The following KIFBP variants were observed in gnomAD, a reference collection of about 807,000 sequenced individuals.
The protein encoded by KIFBP is KIF-binding protein.
KIFBP carries 46 observed loss-of-function variants against 58.9 expected under a neutral mutation model. The observed-to-expected ratio is 0.78, with a 90% confidence interval of 0.62 to 1.00. The LOEUF (loss-of-function observed/expected upper bound fraction) is 1.00, where lower values mean the gene tolerates loss of function less well. Ranked by LOEUF, KIFBP falls within the 50% of genes least tolerant of loss-of-function variation. KIFBP has a pLI of 0.00. For synonymous variants in KIFBP, 241 were observed against 283.4 expected, an observed-to-expected ratio of 0.85 and a Z score of 1.50; for missense variants, 651 against 752.9, an observed-to-expected ratio of 0.86 and a Z score of 1.58.
chr10:68,989,324 C>A, intron 1 of KIFBP, 66 bp downstream of exon 1: 2 of 1,547,094 alleles, frequency 1.3e-6, no homozygotes, highest in Non-Finnish European at 1.8e-6. Context: ...GGAGCCCCTG[C>A]CAAGGCCAAG....
chr10:69,014,595 T>C (rs952560770), intron 6 of KIFBP, among the ~76,000 whole-genome samples: 3 of 152,272 alleles, frequency 2.0e-5, no homozygotes, highest in East Asian at 1.9e-4. Flanking sequence ...GGAAAGATCA[T>C]TGGTGAGACA....
At position 69,005,095 on chromosome 10, in the gene KIFBP, A is replaced by G. The variant is rs926983945; in HGVS notation, c.575A>G (p.Glu192Gly). ...DPTERFLPEEEKLTEQERSKR... is the reference protein window; with the variant it reads ...DPTERFLPEEGKLTEQERSKR... ...ACTGAGCGTTTTCTTCCTGAAGAAG[A>G]GAAACTTACTGAACAAGAGAGATCA... The change falls in exon 3 of 7, where the codon GAG becomes GGG. Residue 192 changes from glutamate (E) to glycine (G), a missense_variant. Physicochemically the swap from Glu to Gly is moderately conservative, Grantham distance 98. Coordinates refer to ENST00000361983, the MANE Select transcript of KIFBP (RefSeq NM_015634.4). The G allele has an allele frequency of 1.2e-6, 2 of 1,613,318 alleles. No homozygotes were observed. The highest frequency in any genetic ancestry group is 1.7e-6 in the Non-Finnish European group (2 of 1,179,420).
At chr10:69,005,625 A>T in intron 3 of KIFBP, 107 bp from the exon 4 acceptor site, 1 of 831,676 alleles carries the variant, frequency 1.2e-6, no homozygotes, top group Non-Finnish European at 2.0e-6. Flanking sequence ...GTGAGCCAAG[A>T]TCGTGCCACT....
intron 2 of KIFBP, among the ~76,000 whole-genome samples, chr10:69,002,260 A>G (rs1843475096): frequency 1.3e-5 from 2 of 151,852 alleles, no homozygotes; most frequent in African/African-American, 4.8e-5. Context: ...CTTGAGTTCA[A>G]GTAATTCTCC....
At chr10:68,996,082 C>T (rs567406514) in intron 1 of KIFBP, among the ~76,000 whole-genome samples, 2 of 151,778 alleles carry the variant, frequency 1.3e-5, no homozygotes, top group South Asian at 2.1e-4. Flanking sequence ...CGCTAGAACC[C>T]GGGAGGCGGA....
chr10:69,000,073 A>G (rs1479913369), intron 1 of KIFBP, among the ~76,000 whole-genome samples: 1 of 151,816 alleles, frequency 6.6e-6, no homozygotes, highest in African/African-American at 2.4e-5. Context: ...AAAGCAGGCA[A>G]TAGATAGCAT....
chr10:68,993,229 G>C (rs987856218), intron 1 of KIFBP, among the ~76,000 whole-genome samples: 1 of 152,086 alleles, frequency 6.6e-6, no homozygotes, highest in Non-Finnish European at 1.5e-5. Flanking sequence ...AGCCTTGAAG[G>C]CTCCTTCCCA....
chr10:69,007,897 ATTGT>A (rs1843551110), intron 4 of KIFBP: 1 of 152,162 alleles, frequency 6.6e-6, no homozygotes, highest in Non-Finnish European at 1.5e-5. Flanking sequence ...ATCTTCTCTA[ATTGT>A]TTGAGAAGTT....
At chr10:69,009,581 A>G (rs1009171256) in intron 5 of KIFBP, among the ~76,000 whole-genome samples, 3 of 152,088 alleles carry the variant, frequency 2.0e-5, no homozygotes, top group African/African-American at 2.4e-5. Flanking sequence ...CAGTTATTTC[A>G]TAGAATTACT....
intron 1 of KIFBP, among the ~76,000 whole-genome samples, chr10:68,994,733 T>TTTTTA (rs1486706884): frequency 1.3e-5 from 2 of 152,112 alleles, no homozygotes; most frequent in African/African-American, 4.8e-5. Flanking sequence ...TTTTTAAGGG[T>TTTTTA]ACAGTTTGAT....
intron 6 of KIFBP, 141 bp from the exon 7 acceptor site, chr10:69,015,400 T>C: frequency 1.4e-6 from 1 of 723,612 alleles, no homozygotes; most frequent in Non-Finnish European, 2.2e-6. Context: ...TTCAAAGGTG[T>C]TTAAGATTAT....
intron 6 of KIFBP, among the ~76,000 whole-genome samples, chr10:69,013,050 G>A (rs1161297556): frequency 1.3e-5 from 2 of 151,852 alleles, no homozygotes; most frequent in Non-Finnish European, 2.9e-5. Context: ...GAGAGAGAGA[G>A]GGCAAAGGGG....
rs547197824 is a variant in KIFBP at position 68,996,682 on chromosome 10, G to T, written c.427-3742G>T. On this transcript the variant is annotated intron_variant, in intron 1 of 6. Coordinates refer to ENST00000361983, the MANE Select transcript of KIFBP (RefSeq NM_015634.4). ...AGCCTGGCCAACATGGTGAAACCCC[G>T]TCTCTATTAAAAATACAAAAATTAG... Among the ~76,000 whole-genome samples the T allele has an allele frequency of 2.0e-5, 3 of 151,966 alleles. No individual in the cohort carries two copies. In the South Asian group the frequency reaches 6.2e-4, roughly 32 times the overall value.
At chr10:69,010,169 T>C (rs1843576125) in intron 5 of KIFBP, among the ~76,000 whole-genome samples, 1 of 152,228 alleles carries the variant, frequency 6.6e-6, no homozygotes, top group African/African-American at 2.4e-5. Context: ...GTGACCAGTG[T>C]TTTCAAAATG....
At chr10:69,012,114 C>A (rs1192549284) in intron 6 of KIFBP, among the ~76,000 whole-genome samples, 1 of 152,156 alleles carries the variant, frequency 6.6e-6, no homozygotes, top group African/African-American at 2.4e-5. Context: ...AGAAGCAGAA[C>A]TGATGGCAGT....
chr10:68,992,330 G>A (rs1206177725), intron 1 of KIFBP, among the ~76,000 whole-genome samples: 2 of 152,102 alleles, frequency 1.3e-5, no homozygotes, highest in Admixed American at 1.3e-4. Context: ...ATCTTTTTAT[G>A]TGTGTTTCCC....
intron 4 of KIFBP, 150 bp downstream of exon 4, chr10:69,006,065 G>A (rs1427685765): frequency 7.3e-6 from 5 of 688,272 alleles, no homozygotes; most frequent in South Asian, 4.1e-5. Flanking sequence ...CAGTTTGCCC[G>A]TGTACTAAAA....
intron 1 of KIFBP, among the ~76,000 whole-genome samples, chr10:68,995,450 A>AT (rs1843394379): frequency 6.6e-6 from 1 of 152,014 alleles, no homozygotes; most frequent in Non-Finnish European, 1.5e-5. Flanking sequence ...GATTACATTG[A>AT]TTTTTGTAAA....
chr10:68,990,400 C>T (rs1341578475), intron 1 of KIFBP, among the ~76,000 whole-genome samples: 2 of 151,932 alleles, frequency 1.3e-5, no homozygotes, highest in Admixed American at 1.3e-4. Flanking sequence ...ACCCACAAAA[C>T]TAGCCAGGCA....
Sources: allele counts gnomAD v4.1 joint callset (sites outside exome capture counted in the v4.1 genomes callset), GRCh38; gene constraint gnomAD v4.1.1; transcripts MANE v1.5; gene names NCBI Gene and HGNC (gene_info 2026-07-23, HGNC 2026-07-21).